Variants in SLIT3 observed in about 807,000 individuals in gnomAD.
SLIT3 encodes slit homolog 3 protein.
A neutral mutation model predicts 184.0 loss-of-function variants in SLIT3; 68 were observed. The ratio of observed to expected loss-of-function variants is 0.37; its 90% confidence interval spans 0.30 to 0.45. SLIT3 has a LOEUF of 0.45. Among genes scored for constraint, SLIT3 ranks in the 20% least tolerant of loss-of-function variants. The pLI is 1.00. For synonymous variants in SLIT3, 831 were observed against 828.6 expected (o/e 1.00, Z -0.05); for missense variants, 1,707 against 2,026.0 (o/e 0.84, Z 3.02).
chr5:169,109,349 C>T (rs978826980), intron 4 of SLIT3, among the ~76,000 whole-genome samples: 1 of 152,188 alleles, frequency 6.6e-6, no homozygotes, highest in Non-Finnish European at 1.5e-5. Flanking sequence ...CTTAGTCATA[C>T]AGCCAGAAAG....
At position 168,749,393 on chromosome 5, in the gene SLIT3, G is replaced by A. The variant is rs368368497; in HGVS notation, c.2137+79C>T. On this transcript the variant is annotated intron_variant, in intron 19 of 35. Coordinates refer to ENST00000519560, the MANE Select transcript of SLIT3 (RefSeq NM_003062.4). ...GCAAAGTGGAATTGGATCTCAGGGA[G>A]TATCTGATTGTGCATCTTCGCCATC... 2.1e-4 allele frequency: 324 copies of A among 1,515,862 alleles called. 2 individuals carry two copies. The South Asian group carries it at 3.7e-3, about 17-fold the overall frequency. 93.9% of individuals were successfully genotyped at this position (1,515,862 alleles called of 1,614,324 possible).
rs769063912 is a variant in SLIT3 at position 168,669,880 on chromosome 5, T to G, written c.4239A>C (p.Ser1413=). Residue 1413 remains serine, a synonymous_variant, in exon 35 of 36, where the codon TCA becomes TCC. Coordinates refer to ENST00000519560, the MANE Select transcript of SLIT3 (RefSeq NM_003062.4). ...DNKNDSANAC[S]AFKCHHGQCH... ...ACTGCCCATGGTGACACTTGAAGGC[T>G]GAGCAGGCATTGGCAGAGTCATTCT... The G allele has an allele frequency of 6.8e-6, 11 of 1,614,112 alleles. No homozygotes were observed. Among genetic ancestry groups the G allele is most frequent in the African/African-American group, 1.3e-5 (1 of 74,950 alleles).
At chr5:169,296,158 G>A (rs964550275) in intron 1 of SLIT3, among the ~76,000 whole-genome samples, 2 of 152,312 alleles carry the variant, frequency 1.3e-5, no homozygotes, top group South Asian at 4.1e-4. Context: ...CCAGAATGCA[G>A]ATCTATAATG....
chr5:169,244,775 G>A lies in SLIT3; in HGVS notation c.271C>T (p.His91Tyr), dbSNP rs780349158. The A allele has an allele frequency of 1.2e-6, 2 of 1,613,534 alleles. No individual in the cohort carries two copies. Among genetic ancestry groups the A allele is most frequent in the South Asian group, 1.1e-5 (1 of 91,058 alleles). Residue 91 changes from histidine (H) to tyrosine (Y), a missense_variant and splice_region_variant, in exon 3 of 36, where the codon CAT (histidine) becomes TAT (tyrosine). Coordinates refer to ENST00000519560, the MANE Select transcript of SLIT3 (RefSeq NM_003062.4). ...FAGLKNLRVLHLEDNQVSVIE... is the reference protein window; with the variant it reads ...FAGLKNLRVLYLEDNQVSVIE... ...ACGCTGACCTGGTTGTCTTCCAGAT[G>A]CCTACAACCACAGAGACAGCAATGA...
At chr5:168,863,431 T>A (rs544534824) in intron 5 of SLIT3, among the ~76,000 whole-genome samples, 4 of 152,336 alleles carry the variant, frequency 2.6e-5, no homozygotes, top group South Asian at 2.1e-4. Flanking sequence ...GGTGATTCGT[T>A]GTTGAAAGAT....
At chr5:169,198,953 TAC>T (rs58669966) in intron 3 of SLIT3, among the ~76,000 whole-genome samples, 9,737 of 142,052 alleles carry the variant, frequency 0.069, 398 homozygotes, top group Middle Eastern at 0.11. Context: ...AAACAAACTA[TAC>T]ACACACACAC....
At chr5:169,262,233 C>A (rs746308603) in intron 1 of SLIT3, among the ~76,000 whole-genome samples, 2 of 152,070 alleles carry the variant, frequency 1.3e-5, no homozygotes, top group African/African-American at 2.4e-5. Context: ...TAGGCCACCA[C>A]AAATAAACAA....
intron 4 of SLIT3, among the ~76,000 whole-genome samples, chr5:169,085,243 T>TG (rs1759244143): frequency 6.6e-6 from 1 of 152,174 alleles, no homozygotes; most frequent in Non-Finnish European, 1.5e-5. Context: ...GAAACACATG[T>TG]GGCTTATTAC....
intron 5 of SLIT3, among the ~76,000 whole-genome samples, chr5:168,852,672 T>G (rs1475608636): frequency 2.0e-5 from 3 of 152,242 alleles, no homozygotes; most frequent in African/African-American, 7.2e-5. Flanking sequence ...CTTCCTTGAA[T>G]TTTTTCACAT....
At chr5:169,149,321 T>G (rs1353450354) in intron 4 of SLIT3, among the ~76,000 whole-genome samples, 5 of 151,048 alleles carry the variant, frequency 3.3e-5, no homozygotes, top group African/African-American at 1.2e-4. Flanking sequence ...CCTAAACTTA[T>G]GAGAGAATAC....
At chr5:168,943,262 G>C (rs1240395592) in intron 4 of SLIT3, among the ~76,000 whole-genome samples, 1 of 152,150 alleles carries the variant, frequency 6.6e-6, no homozygotes, top group Non-Finnish European at 1.5e-5. Context: ...CAGCTCCATG[G>C]TGTTGTCTGC....
chr5:168,905,415 T>C (rs1761016067), intron 4 of SLIT3, among the ~76,000 whole-genome samples: 1 of 152,206 alleles, frequency 6.6e-6, no homozygotes. Context: ...TATCAAGATA[T>C]CCTTAATATT....
chr5:169,259,885 G>C (rs1237279517), intron 1 of SLIT3, among the ~76,000 whole-genome samples: 2 of 152,162 alleles, frequency 1.3e-5, no homozygotes, highest in African/African-American at 4.8e-5. Flanking sequence ...AGACTCAGGA[G>C]ATTCTTAGAG....
chr5:169,268,704 A>C (rs79630318), intron 1 of SLIT3, among the ~76,000 whole-genome samples: 3,641 of 152,338 alleles, frequency 0.024, 128 homozygotes, highest in African/African-American at 0.081. Flanking sequence ...CTTATCTGCA[A>C]AATGGGTTAG....
intron 4 of SLIT3, among the ~76,000 whole-genome samples, chr5:168,907,973 T>TAGAGAGAGAGAGAGAGAGAGAG: frequency 1.5e-5 from 1 of 66,792 alleles, no homozygotes; most frequent in African/African-American, 7.1e-5. Flanking sequence ...TATATATATA[T>TAGAGAGAGAGAGAGAGAGAGAG]ATATATAGAG....
chr5:168,785,654 C>T (rs930883261), intron 12 of SLIT3, among the ~76,000 whole-genome samples: 6 of 152,212 alleles, frequency 3.9e-5, no homozygotes, highest in Admixed American at 1.3e-4. Flanking sequence ...TGCTTAGTAT[C>T]TTCATGCCTG....
At chr5:168,723,046 T>C (rs1376704913) in intron 21 of SLIT3, 42 bp from the exon 22 acceptor site, 2 of 1,491,804 alleles carry the variant, frequency 1.3e-6, no homozygotes, top group Non-Finnish European at 1.9e-6. Context: ...TTGTCTTAGT[T>C]GCATCTGTAG....
chr5:168,860,349 A>C (rs751278471), intron 5 of SLIT3, among the ~76,000 whole-genome samples: 1 of 152,186 alleles, frequency 6.6e-6, no homozygotes, highest in Non-Finnish European at 1.5e-5. Flanking sequence ...TGTATCTTTA[A>C]GTCTGAAATG....
At chr5:168,870,883 ATTTAT>A (rs937467807) in intron 5 of SLIT3, among the ~76,000 whole-genome samples, 2 of 152,210 alleles carry the variant, frequency 1.3e-5, no homozygotes, top group African/African-American at 2.4e-5. Context: ...TATGTCAATG[ATTTAT>A]TTTAATAGAA....
Sources: allele counts gnomAD v4.1 joint callset (sites outside exome capture counted in the v4.1 genomes callset), GRCh38; gene constraint gnomAD v4.1.1; transcripts MANE v1.5; gene names NCBI Gene and HGNC (gene_info 2026-07-23, HGNC 2026-07-21).